Variants in FAT2 observed in about 807,000 individuals in gnomAD.
The protein encoded by FAT2 is protocadherin Fat 2.
FAT2 carries 150 observed loss-of-function variants against 295.3 expected under a neutral mutation model. The ratio of observed to expected loss-of-function variants is 0.51; its 90% CI spans 0.44 to 0.58. The LOEUF is 0.58. Ranked by LOEUF, FAT2 falls within the 20% of genes least tolerant of loss-of-function variation. The pLI is 0.00. For synonymous variants in FAT2, 2,026 were observed against 2,150.3 expected (o/e 0.94, Z 1.60); for missense variants, 4,868 against 5,442.7 (o/e 0.89, Z 3.32).
Position 151,521,592 on chromosome 5 carries a change from G to A in FAT2, c.11001C>T (p.His3667=), listed in dbSNP as rs1295648152. 1.9e-6 allele frequency: 3 copies of A among 1,614,122 alleles called. No homozygotes were observed. The highest frequency in any genetic ancestry group is 2.5e-6 in the Non-Finnish European group (3 of 1,180,044). ...CCTCTGCAGGCTGGAGGCTGGCCAA[G>A]TGAATGTTAGCCCGTTTGATGTCCA... is the stretch of plus-strand genomic sequence containing the variant. ...HKLDIKRANI[H]LASLQPAEAV... is the part of the protein sequence containing the mutation. The change falls in exon 19 of 24, where the codon CAC becomes CAT. Residue 3667 remains histidine, a synonymous_variant. Coordinates refer to ENST00000261800, the MANE Select transcript of FAT2 (RefSeq NM_001447.3).
chr5:151,554,716 A>G (rs1482864527), intron 4 of FAT2, 43 bp from the exon 5 acceptor site: 2 of 1,479,728 alleles, frequency 1.4e-6, no homozygotes, highest in Non-Finnish European at 9.3e-7. Context: ...TGACAATTGC[A>G]AATTAGTGAC....
Position 151,543,081 on chromosome 5 carries a change from A to G in FAT2, c.8046T>C (p.Val2682=). The G allele has an allele frequency of 6.2e-7, 1 of 1,614,148 alleles. No individual in the cohort carries two copies. Among genetic ancestry groups the G allele is most frequent in the Non-Finnish European group, 8.5e-7 (1 of 1,180,034 alleles). Residue 2682 remains valine, a synonymous_variant, in exon 10 of 24, where the codon GTT becomes GTC. Transcript: ENST00000261800. ...ATTTCGGTAAGGATACTTTTTTAGGAACCACCTGAAGTCGTACTGGCACCA... is the reference window on the plus strand; with the variant it reads ...ATTTCGGTAAGGATACTTTTTTAGGGACCACCTGAAGTCGTACTGGCACCA... ...NSLVPVRLQV[V]PKKVSLPKFS...
intron 1 of FAT2, among the ~76,000 whole-genome samples, chr5:151,572,793 A>G (rs535403139): frequency 1.2e-4 from 19 of 152,378 alleles, no homozygotes; most frequent in African/African-American, 4.6e-4. Flanking sequence ...GAGAAGGTCC[A>G]GCCTGTGCCC....
intron 1 of FAT2, among the ~76,000 whole-genome samples, chr5:151,571,385 C>T (rs1758517287): frequency 6.6e-6 from 1 of 151,862 alleles, no homozygotes; most frequent in African/African-American, 2.4e-5. Flanking sequence ...TGCACGCAGC[C>T]TCCCAGCCCT....
In FAT2 at chr5:151,510,095, G is replaced by T. The variant is rs146744828; in HGVS notation, c.11985C>A (p.Cys3995Ter). Residue 3995 changes from cysteine (C) to a stop codon, truncating the protein, a stop_gained, in exon 22 of 24, where the codon TGC becomes TGA. Coordinates refer to ENST00000261800, the MANE Select transcript of FAT2 (RefSeq NM_001447.3). LOFTEE classifies it high-confidence loss of function. ...QGRENCTFAPCLEGGTCILSP... is the reference protein window; with the variant it reads ...QGRENCTFAP The stretch of plus-strand genomic sequence containing the variant: ...AGAGGATGCAAGTTCCACCTTCCAG[G>T]CAGGGTGCAAAAGTACAGTTCTCCC... The T allele has an allele frequency of 6.2e-7, 1 of 1,614,184 alleles. No homozygotes were observed. The highest frequency in any genetic ancestry group is 8.5e-7 in the Non-Finnish European group (1 of 1,180,032).
At chr5:151,561,187 T>A (rs892194686) in intron 3 of FAT2, among the ~76,000 whole-genome samples, 4 of 152,092 alleles carry the variant, frequency 2.6e-5, no homozygotes, top group Admixed American at 6.5e-5. Flanking sequence ...AGAGCGGGAA[T>A]TGACCAGACA....
rs184694315 is a variant in FAT2 at position 151,544,853 on chromosome 5, C to T, written c.6274G>A (p.Val2092Ile). 116 of 1,614,154 alleles carry T rather than the reference C, an allele frequency of 7.2e-5. No homozygotes were observed. The Admixed American group carries it at 1.9e-3, about 27-fold the overall frequency. Residue 2092 changes from valine to isoleucine, a missense_variant, in exon 10 of 24, where the codon GTA becomes ATA. Transcript: ENST00000261800. ...CCCAAGTCCTCATCAGTGGCAGATACCTGAAAGAGGACATCCCCTGGCTCT... is the reference window on the plus strand; with the variant it reads ...CCCAAGTCCTCATCAGTGGCAGATATCTGAAAGAGGACATCCCCTGGCTCT... ...GTEPGDVLFQ[V>I]SATDEDLGTN... is the part of the protein sequence containing the mutation.
chr5:151,514,790 A>G (rs1752677226), intron 20 of FAT2, among the ~76,000 whole-genome samples: 1 of 152,132 alleles, frequency 6.6e-6, no homozygotes, highest in Non-Finnish European at 1.5e-5. Context: ...TATCCACCTT[A>G]GCTAAAGCCA....
chr5:151,505,523 C>G lies in FAT2; in HGVS notation c.*42G>C, dbSNP rs752012209. 36 of 1,611,050 alleles carry G rather than the reference C, an allele frequency of 2.2e-5. No individual in the cohort carries two copies. The highest frequency in any genetic ancestry group is 2.8e-5 in the Non-Finnish European group (33 of 1,178,958). On this transcript the variant is annotated 3_prime_UTR_variant, in exon 24 of 24. Coordinates refer to ENST00000261800, the MANE Select transcript of FAT2 (RefSeq NM_001447.3). ...GAGACAGGAAGAAATAAGCCAAGTC[C>G]AGTCCTTGGCCTCCCGCCTGCCTTG...
intron 17 of FAT2, 25 bp downstream of exon 17, chr5:151,527,207 CAG>C (rs770897877): frequency 6.3e-7 from 1 of 1,579,022 alleles, no homozygotes; most frequent in South Asian, 1.2e-5. Context: ...AGGAAGGGCT[CAG>C]GGTGCCTTGG....
chr5:151,555,367 CTTTTTTT>C lies in FAT2; in HGVS notation c.3634-701_3634-695del, dbSNP rs912481589. Among the ~76,000 whole-genome samples the C allele has an allele frequency of 3.3e-4, 41 of 123,096 alleles. No homozygotes were observed. The East Asian group carries it at 7.8e-3, about 23-fold the overall frequency. 80.8% of individuals were successfully genotyped at this position (123,096 alleles called of 152,430 possible). On this transcript the variant is annotated intron_variant, in intron 4 of 23. Transcript: ENST00000261800. ...GCTACTTCTTACTAATAATATATTT[CTTTTTTT>C]TTTTTTTTTTTTTTGAGACTGAGTC...
intron 12 of FAT2, among the ~76,000 whole-genome samples, chr5:151,535,408 A>G (rs12652919): frequency 0.17 from 25,374 of 152,008 alleles, 2,487 homozygotes; most frequent in East Asian, 0.4. Context: ...CCCTGGGGGA[A>G]ATAATGCTGA....
rs200021303 is a variant in FAT2, at chr5:151,538,094, CAGAG to C, written c.9040-152_9040-149del. 5.7e-3 allele frequency: 3,362 copies of C among 590,830 alleles called. 28 individuals carry two copies. Among genetic ancestry groups the C allele is most frequent in the Middle Eastern group, 0.033 (113 of 3,388 alleles). The allele number at this position is 590,830 out of a possible 1,614,324, so 36.6% of individuals were successfully genotyped here. On this transcript the variant is annotated intron_variant, in intron 11 of 23. Transcript: ENST00000261800. ...AGAGAGACAGAAAAAAGAACAGAGA[CAGAG>C]AGAGAGAAAGAGAAGCAGAGAGAGG... is the stretch of plus-strand genomic sequence containing the variant.
At chr5:151,580,015 G>A (rs945631862) in intron 1 of FAT2, among the ~76,000 whole-genome samples, 3 of 152,196 alleles carry the variant, frequency 2.0e-5, no homozygotes, top group Admixed American at 2.0e-4. Context: ...GGCACAGTTT[G>A]AAGACTACTA....
chr5:151,505,724 C>G lies in FAT2; in HGVS notation c.12891G>C (p.Gly4297=), dbSNP rs1306215000. 6.2e-7 allele frequency: 1 copy of G among 1,613,932 alleles called. No homozygotes were observed. Among genetic ancestry groups the G allele is most frequent in the East Asian group, 2.2e-5 (1 of 44,866 alleles). Residue 4297 remains glycine, a synonymous_variant, in exon 24 of 24, where the codon GGG becomes GGC. Transcript: ENST00000261800. Reference sequence around the variant, plus strand: ...CAGCTCGGCTGAGGCGCATACCCACCCCCTTGTAGCCCCCGTCTGCCAGGC... The same window carrying G: ...CAGCTCGGCTGAGGCGCATACCCACGCCCTTGTAGCCCCCGTCTGCCAGGC... ...GPCLADGGYK[G]VGMRLSRAGP...
chr5:151,575,899 C>T (rs1400488899), intron 1 of FAT2, among the ~76,000 whole-genome samples: 2 of 152,140 alleles, frequency 1.3e-5, no homozygotes, highest in African/African-American at 2.4e-5. Flanking sequence ...GCGGCTAGTA[C>T]AATTGAGGAG....
intron 21 of FAT2, chr5:151,510,919 G>A (rs1362973907): frequency 2.0e-5 from 3 of 152,530 alleles, no homozygotes; most frequent in Non-Finnish European, 4.4e-5. Flanking sequence ...TGAGGGACAG[G>A]GAGAGTTTGA....
chr5:151,528,744 T>C (rs975695618), intron 15 of FAT2, among the ~76,000 whole-genome samples: 1 of 152,126 alleles, frequency 6.6e-6, no homozygotes, highest in Non-Finnish European at 1.5e-5. Flanking sequence ...TTTCACTCCA[T>C]TGAATGAGGG....
In FAT2 at chr5:151,566,648, A is replaced by C. The variant is rs1758281777; in HGVS notation, c.2284T>G (p.Cys762Gly). 1.2e-6 allele frequency: 2 copies of C among 1,614,076 alleles called. No homozygotes were observed. The highest frequency in any genetic ancestry group is 4.5e-5 in the East Asian group (2 of 44,900). The change falls in exon 2 of 24, where the codon TGC becomes GGC. Residue 762 changes from cysteine (C) to glycine (G), a missense_variant. Cys to Gly is a radical substitution (Grantham distance 159, BLOSUM62 -3). Coordinates refer to ENST00000261800, the MANE Select transcript of FAT2 (RefSeq NM_001447.3). ...YVIADGNEEG[C>G]FDIELETGLL... is the part of the protein sequence containing the mutation. ...CCTGTCTCCAGCTCTATGTCAAAGC[A>C]GCCCTCCTCATTGCCATCTGCAATC...
Sources: gnomAD v4.1 joint callset for allele counts (sites outside exome capture counted in the v4.1 genomes callset) on GRCh38, gnomAD v4.1.1 for gene constraint, MANE v1.5 for transcripts, NCBI Gene and HGNC (gene_info 2026-07-23, HGNC 2026-07-21) for gene names.